The following UBE2V2 variants were observed in gnomAD, a reference collection of about 807,000 sequenced individuals.
UBE2V2 encodes ubiquitin-conjugating enzyme E2 variant 2.
A neutral mutation model predicts 17.2 loss-of-function variants in UBE2V2; 9 were observed. That is an observed-to-expected ratio of 0.52 (90% CI 0.32 to 0.91). The LOEUF is 0.91. Among genes scored for constraint, UBE2V2 ranks in the 40% least tolerant of loss-of-function variants. UBE2V2 has a pLI of 0.04. For missense variants in UBE2V2, 133 were observed against 182.6 expected, an observed-to-expected ratio of 0.73 and a Z score of 1.56; for synonymous variants, 61 against 57.5, an observed-to-expected ratio of 1.06 and a Z score of -0.28.
the UBE2V2 span, among the ~76,000 whole-genome samples, chr8:47,998,555 C>T: frequency 3.3e-5 from 5 of 151,614 alleles, no homozygotes; most frequent in Admixed American, 2.0e-4. Flanking sequence ...CTCACCCTGG[C>T]GGAGGCTTTG....
intron 1 of UBE2V2, among the ~76,000 whole-genome samples, chr8:48,029,712 T>C (rs890625853): frequency 6.6e-6 from 1 of 152,230 alleles, no homozygotes; most frequent in South Asian, 2.1e-4. Context: ...TACTAAACAG[T>C]ACTGATGTAA....
the UBE2V2 span, among the ~76,000 whole-genome samples, chr8:48,000,779 G>A: frequency 4.5e-5 from 6 of 131,956 alleles, no homozygotes; most frequent in African/African-American, 1.7e-4. Context: ...TGGAGATCAC[G>A]TCACTGCACT....
At chr8:48,018,781 C>G (rs2091285732) in intron 1 of UBE2V2, among the ~76,000 whole-genome samples, 1 of 152,114 alleles carries the variant, frequency 6.6e-6, no homozygotes. Flanking sequence ...TGTAGTACAA[C>G]CTATCTTTCA....
In UBE2V2 at chr8:48,061,874, A is replaced by T. The variant is rs560713482; in HGVS notation, c.*1046A>T. 6.6e-6 allele frequency: 1 copy of T among 152,204 alleles called. No homozygotes were observed. Among genetic ancestry groups the T allele is most frequent in the South Asian group, 2.1e-4 (1 of 4,828 alleles). The allele number at this position is 152,204 out of a possible 1,614,324, so 9.4% of individuals were successfully genotyped here. On this transcript the variant is annotated 3_prime_UTR_variant, in exon 4 of 4. Transcript: ENST00000523111. ...TAGGTTGCAAATTATCCAAATATAT[A>T]TCCCATTTTTTAAAGCATAATATCT...
rs749329628 is a variant in UBE2V2 at position 48,008,467 on chromosome 8, A to G, written c.13A>G (p.Thr5Ala). The change falls in exon 1 of 4, where the codon ACA (threonine) becomes GCA (alanine). Residue 5 changes from threonine to alanine, a missense_variant. Physicochemically the swap from Thr to Ala is moderately conservative, Grantham distance 58. Transcript: ENST00000523111. MAVS[T>A]GVKVPRNFRL... ...GCTGCAGGAGAAGATGGCGGTCTCC[A>G]CAGGTCGGTTCCCGGGCCGGGCTGC... 2.6e-6 allele frequency: 4 copies of G among 1,568,556 alleles called. No homozygotes were observed. In the South Asian group the frequency reaches 4.6e-5, roughly 18 times the overall value.
At chr8:48,054,674 C>T (rs2091560540) in intron 3 of UBE2V2, among the ~76,000 whole-genome samples, 1 of 152,094 alleles carries the variant, frequency 6.6e-6, no homozygotes, top group African/African-American at 2.4e-5. Flanking sequence ...AGTTCATAGG[C>T]ATTGATGGTG....
intron 1 of UBE2V2, 106 bp from the exon 2 acceptor site, chr8:48,042,927 T>C (rs2154507726): frequency 8.4e-7 from 1 of 1,189,344 alleles, no homozygotes; most frequent in Non-Finnish European, 1.1e-6. Flanking sequence ...TTTGGTCTTT[T>C]TGGGAAATAA....
chr8:48,029,200 G>C (rs183226238), intron 1 of UBE2V2, among the ~76,000 whole-genome samples: 1 of 152,152 alleles, frequency 6.6e-6, no homozygotes, highest in East Asian at 1.9e-4. Context: ...ACAATGCTGT[G>C]TGCCTATAGT....
intron 1 of UBE2V2, among the ~76,000 whole-genome samples, chr8:48,024,777 T>G (rs2154507111): frequency 6.6e-6 from 1 of 152,272 alleles, no homozygotes; most frequent in African/African-American, 2.4e-5. Context: ...AAACTCCATG[T>G]TCTTTTAAGG....
At chr8:48,026,622 A>T (rs2091348101) in intron 1 of UBE2V2, among the ~76,000 whole-genome samples, 1 of 152,206 alleles carries the variant, frequency 6.6e-6, no homozygotes, top group African/African-American at 2.4e-5. Context: ...AATCTGTCTC[A>T]ATAGATTTAC....
chr8:48,015,001 G>A (rs2091258877), intron 1 of UBE2V2, among the ~76,000 whole-genome samples: 1 of 146,774 alleles, frequency 6.8e-6, no homozygotes, highest in Non-Finnish European at 1.5e-5. Flanking sequence ...AGTGAGCTGA[G>A]ATTGTGCCAC....
intron 1 of UBE2V2, among the ~76,000 whole-genome samples, chr8:48,012,115 T>A (rs1435888845): frequency 6.6e-5 from 10 of 152,184 alleles, no homozygotes; most frequent in Admixed American, 6.5e-4. Context: ...GCGCTCTCCA[T>A]TATGAAGAAC....
At chr8:48,033,928 G>A (rs996684969) in intron 1 of UBE2V2, among the ~76,000 whole-genome samples, 13 of 152,162 alleles carry the variant, frequency 8.5e-5, no homozygotes, top group African/African-American at 3.1e-4. Context: ...CTGTGCTCTA[G>A]CCTGGGCAAT....
chr8:48,057,029 A>G (rs2091577860), intron 3 of UBE2V2, among the ~76,000 whole-genome samples: 1 of 152,124 alleles, frequency 6.6e-6, no homozygotes, highest in Non-Finnish European at 1.5e-5. Flanking sequence ...CCTGGCCTGT[A>G]ATAAGTTTTG....
intron 3 of UBE2V2, among the ~76,000 whole-genome samples, chr8:48,052,920 T>C (rs1478626929): frequency 1.3e-5 from 2 of 152,172 alleles, no homozygotes; most frequent in Non-Finnish European, 2.9e-5. Context: ...CACTTTCTTT[T>C]TTATTGAGAC....
chr8:47,997,607 A>G, the UBE2V2 span, among the ~76,000 whole-genome samples: 1 of 152,066 alleles, frequency 6.6e-6, no homozygotes, highest in Non-Finnish European at 1.5e-5. Context: ...TCGGGATGGG[A>G]GGACAAGGAC....
chr8:48,046,496 G>T (rs1321416078), intron 2 of UBE2V2, among the ~76,000 whole-genome samples: 1 of 152,120 alleles, frequency 6.6e-6, no homozygotes, highest in Non-Finnish European at 1.5e-5. Flanking sequence ...CAGATGATCC[G>T]CCCACCTCGG....
At chr8:48,046,179 G>A (rs1012320795) in intron 2 of UBE2V2, among the ~76,000 whole-genome samples, 14 of 152,120 alleles carry the variant, frequency 9.2e-5, no homozygotes, top group African/African-American at 3.1e-4. Flanking sequence ...GAGTGCAGTG[G>A]CGCCATCTCG....
chr8:48,004,987 C>T (rs1197631879), upstream of UBE2V2, among the ~76,000 whole-genome samples: 1 of 151,132 alleles, frequency 6.6e-6, no homozygotes, highest in Non-Finnish European at 1.5e-5. Context: ...ACCAGAATGC[C>T]AGCTTTTTTT....
Sources: gnomAD v4.1 joint callset for allele counts (sites outside exome capture counted in the v4.1 genomes callset) on GRCh38, gnomAD v4.1.1 for gene constraint, MANE v1.5 for transcripts, NCBI Gene and HGNC (gene_info 2026-07-23, HGNC 2026-07-21) for gene names.